Variants in PGAM5 observed in about 807,000 individuals in gnomAD.
PGAM5 encodes PGAM family member 5, mitochondrial serine/threonine protein phosphatase.
PGAM5 carries 25 observed loss-of-function variants against 30.6 expected under a neutral mutation model. The observed-to-expected ratio is 0.82, with a 90% CI of 0.60 to 1.14. PGAM5 has a LOEUF of 1.14. PGAM5 is among the 50% of genes most tolerant of loss of function. PGAM5 has a pLI of 0.00. For missense variants in PGAM5, 384 were observed against 408.5 expected (o/e 0.94, Z 0.52); for synonymous variants, 201 against 179.1 (o/e 1.12, Z -0.98).
At chr12:132,717,669 C>CG (rs1565999747) in intron 3 of PGAM5, 41 bp from the exon 4 acceptor site, 1 of 1,565,942 alleles carries the variant, frequency 6.4e-7, no homozygotes, top group East Asian at 2.4e-5. Context: ...TCTCCGCCGG[C>CG]GGGGCCGCCT....
At chr12:132,717,035 C>T (rs886471963) in intron 2 of PGAM5, among the ~76,000 whole-genome samples, 7 of 152,354 alleles carry the variant, frequency 4.6e-5, no homozygotes, top group Admixed American at 1.3e-4. Context: ...CGCCATGGCG[C>T]GTGGTTGGGG....
intron 2 of PGAM5, 150 bp downstream of exon 2, chr12:132,715,186 T>A: frequency 9.9e-6 from 7 of 707,608 alleles, no homozygotes; most frequent in Middle Eastern, 4.1e-4. Context: ...CTGGGCCTCC[T>A]GGGGCCCATG....
At chr12:132,718,184 A>T in intron 5 of PGAM5, 64 bp downstream of exon 5, 1 of 1,595,640 alleles carries the variant, frequency 6.3e-7, no homozygotes, top group Non-Finnish European at 8.5e-7. Flanking sequence ...AGCATGAGGA[A>T]GAAGCCGAGC....
intron 2 of PGAM5, among the ~76,000 whole-genome samples, chr12:132,715,878 C>CAA (rs113901541): frequency 8.4e-4 from 116 of 138,402 alleles, no homozygotes; most frequent in African/African-American, 2.7e-3. Context: ...GACTCCGTCT[C>CAA]AAAAAAAAAA....
At chr12:132,712,174 T>C (rs1190789651) in intron 1 of PGAM5, among the ~76,000 whole-genome samples, 7 of 152,254 alleles carry the variant, frequency 4.6e-5, no homozygotes, top group African/African-American at 1.7e-4. Flanking sequence ...AGATTAATTA[T>C]AGTTATTATA....
intron 2 of PGAM5, 28 bp from the exon 3 acceptor site, chr12:132,717,411 C>A (rs767110401): frequency 6.4e-7 from 1 of 1,562,382 alleles, no homozygotes; most frequent in Admixed American, 1.9e-5. Flanking sequence ...GGTGCAGGTG[C>A]GGCACTCAGG....
Position 132,722,563 on chromosome 12 carries a change from C to G in PGAM5, c.*1735C>G, listed in dbSNP as rs1261953416. 1.3e-5 allele frequency: 2 copies of G among 151,448 alleles called. No individual in the cohort carries two copies. Among genetic ancestry groups the G allele is most frequent in the Non-Finnish European group, 2.9e-5 (2 of 67,866 alleles). 9.4% of individuals were successfully genotyped at this position (151,448 alleles called of 1,614,324 possible). ...ATGCCTGGCCAGGGATTAAAATATTCAAACATGTTGTGTGTACCCAGATAT... is the reference window on the plus strand; with the variant it reads ...ATGCCTGGCCAGGGATTAAAATATTGAAACATGTTGTGTGTACCCAGATAT... On this transcript the variant is annotated 3_prime_UTR_variant, in exon 6 of 6. Transcript: ENST00000498926.
At chr12:132,715,402 C>T (rs1346194213) in intron 2 of PGAM5, among the ~76,000 whole-genome samples, 1 of 150,096 alleles carries the variant, frequency 6.7e-6, no homozygotes, top group East Asian at 2.0e-4. Flanking sequence ...AAAACCCTGT[C>T]TCTACTAAAA....
At position 132,720,542 on chromosome 12, in the gene PGAM5, T is replaced by A. The variant is rs140585814; in HGVS notation, c.720-136T>A. On this transcript the variant is annotated intron_variant, in intron 5 of 5. Coordinates refer to ENST00000498926, the MANE Select transcript of PGAM5 (RefSeq NM_001170543.2). ...TGGGATGGTCTCGATCTCCTGACCTTGTGATCCACCCGCCTGGCCTCCCAA... is the reference window on the plus strand; with the variant it reads ...TGGGATGGTCTCGATCTCCTGACCTAGTGATCCACCCGCCTGGCCTCCCAA... 1,867 of 825,350 alleles carry A rather than the reference T, an allele frequency of 2.3e-3. 21 individuals carry two copies. In the African/African-American group the frequency reaches 0.029, roughly 13 times the overall value. The allele number at this position is 825,350 out of a possible 1,614,324, so 51.1% of individuals were successfully genotyped here.
intron 1 of PGAM5, among the ~76,000 whole-genome samples, chr12:132,713,639 G>A (rs572123085): frequency 5.9e-5 from 9 of 152,258 alleles, no homozygotes; most frequent in African/African-American, 1.9e-4. Context: ...CAGCAGGTTC[G>A]ACTTTTGCTA....
rs759532045 is a variant in PGAM5 at position 132,714,975 on chromosome 12, C to T, written c.309C>T (p.Ile103=). 2.5e-6 allele frequency: 4 copies of T among 1,613,468 alleles called. No homozygotes were observed. The highest frequency in any genetic ancestry group is 1.3e-5 in the African/African-American group (1 of 75,070). ...KAKATRHIFL[I]RHSQYHVDGS... ...AGGCCACGCGGCACATCTTCCTCAT[C>T]AGGCATTCCCAGTACCACGTGGATG... is the stretch of plus-strand genomic sequence containing the variant. Residue 103 remains isoleucine, a synonymous_variant, in exon 2 of 6, where the codon ATC becomes ATT. Transcript: ENST00000498926.
Position 132,717,771 on chromosome 12 carries a change from C to A in PGAM5, c.558C>A (p.Pro186=), listed in dbSNP as rs371236067. The change falls in exon 4 of 6, where the codon CCC becomes CCA. Residue 186 remains proline (P), a synonymous_variant. Coordinates refer to ENST00000498926, the MANE Select transcript of PGAM5 (RefSeq NM_001170543.2). ...GCGCCCCCATCGAGCCAGACCCGCC[C>A]GTGTCTCATTGGAAGCCGGAAGCTG... ...REGAPIEPDP[P]VSHWKPEAVQ... 6.3e-7 allele frequency: 1 copy of A among 1,588,192 alleles called. No homozygotes were observed. The highest frequency in any genetic ancestry group is 2.3e-5 in the East Asian group (1 of 43,528).
intron 1 of PGAM5, among the ~76,000 whole-genome samples, chr12:132,714,162 C>T (rs556503618): frequency 2.6e-5 from 4 of 151,986 alleles, no homozygotes; most frequent in East Asian, 3.9e-4. Context: ...GGATCACAGG[C>T]GTGTGCCACC....
chr12:132,717,890 G>A lies in PGAM5; in HGVS notation c.585+92G>A, dbSNP rs190078281. On this transcript the variant is annotated intron_variant, in intron 4 of 5. Coordinates refer to ENST00000498926, the MANE Select transcript of PGAM5 (RefSeq NM_001170543.2). ...CTCACCATCCACCACGTGCCCGGCC[G>A]TCCCACGGGCTTCCCCGGGCGGCGA... 6.3e-6 allele frequency: 10 copies of A among 1,597,988 alleles called. No individual in the cohort carries two copies. The East Asian group carries it at 6.8e-5, about 11-fold the overall frequency.
intron 5 of PGAM5, chr12:132,719,207 G>C: frequency 8.6e-7 from 1 of 1,158,236 alleles, no homozygotes; most frequent in Non-Finnish European, 1.1e-6. Context: ...TGTGTGTGTG[G>C]GCTCCGCAGC....
At chr12:132,718,652 C>T in intron 5 of PGAM5, 1 of 1,184,944 alleles carries the variant, frequency 8.4e-7, no homozygotes, top group South Asian at 1.2e-5. Flanking sequence ...GGGTACGGTG[C>T]ATGCTGGGCG....
At chr12:132,719,785 G>T (rs969429071) in intron 5 of PGAM5, among the ~76,000 whole-genome samples, 1 of 152,260 alleles carries the variant, frequency 6.6e-6, no homozygotes, top group Admixed American at 6.5e-5. Flanking sequence ...GGGTGGCCAT[G>T]CGGCCCACTG....
chr12:132,719,082 T>G, intron 5 of PGAM5: 1 of 1,403,470 alleles, frequency 7.1e-7, no homozygotes, highest in South Asian at 1.5e-5. Context: ...GAGGGCCCCT[T>G]GGGGGGCAGG....
chr12:132,717,688 G>C (rs1189241287), intron 3 of PGAM5, 22 bp from the exon 4 acceptor site: 3 of 1,563,894 alleles, frequency 1.9e-6, no homozygotes, highest in African/African-American at 2.7e-5. Flanking sequence ...CTCACCCAGC[G>C]CTTCGCTGTG....
Sources: allele counts gnomAD v4.1 joint callset (sites outside exome capture counted in the v4.1 genomes callset), GRCh38; gene constraint gnomAD v4.1.1; transcripts MANE v1.5; gene names NCBI Gene and HGNC (gene_info 2026-07-23, HGNC 2026-07-21).